The following ADAMTSL1 variants were observed in gnomAD, a reference collection of about 807,000 sequenced individuals.
ADAMTSL1 encodes ADAMTS-like protein 1.
ADAMTSL1 carries 126 observed loss-of-function variants against 201.8 expected under a neutral mutation model. That is an observed-to-expected ratio of 0.62 (90% CI 0.54 to 0.72). The LOEUF is 0.72. Ranked by LOEUF, ADAMTSL1 falls within the 30% of genes least tolerant of loss-of-function variation. ADAMTSL1 has a pLI of 0.00. For synonymous variants in ADAMTSL1, 1,121 were observed against 903.4 expected (o/e 1.24, Z -4.32); for missense variants, 2,679 against 2,277.8 (o/e 1.18, Z -3.59).
intron 4 of ADAMTSL1, among the ~76,000 whole-genome samples, chr9:18,614,515 A>C (rs1041206016): frequency 6.6e-6 from 1 of 152,182 alleles, no homozygotes; most frequent in East Asian, 1.9e-4. Context: ...GTGAGAAGCT[A>C]TGTATCTAAA....
intron 1 of ADAMTSL1, among the ~76,000 whole-genome samples, chr9:18,072,700 T>G (rs571832137): frequency 2.6e-5 from 4 of 152,314 alleles, no homozygotes; most frequent in Non-Finnish European, 4.4e-5. Context: ...CACTTGTATG[T>G]TTTTATCCAG....
chr9:18,091,952 C>G (rs1824040118), intron 1 of ADAMTSL1, among the ~76,000 whole-genome samples: 1 of 152,054 alleles, frequency 6.6e-6, no homozygotes, highest in Non-Finnish European at 1.5e-5. Flanking sequence ...TTTAGGAAAT[C>G]TCATGAACTT....
intron 4 of ADAMTSL1, among the ~76,000 whole-genome samples, chr9:18,574,682 T>A (rs141977618): frequency 6.6e-6 from 1 of 151,926 alleles, no homozygotes; most frequent in African/African-American, 2.4e-5. Flanking sequence ...AATTCTAAAA[T>A]CCCCAAGTAA....
At chr9:18,140,330 T>C (rs1203532742) in intron 1 of ADAMTSL1, among the ~76,000 whole-genome samples, 1 of 152,114 alleles carries the variant, frequency 6.6e-6, no homozygotes, top group African/African-American at 2.4e-5. Context: ...ACTCAGCATG[T>C]AGTCATACTC....
At chr9:18,789,791 AG>A in intron 19 of ADAMTSL1, among the ~76,000 whole-genome samples, 1 of 152,286 alleles carries the variant, frequency 6.6e-6, no homozygotes, top group Middle Eastern at 3.4e-3. Context: ...GCTAATGACA[AG>A]GAGAGTCAAA....
intron 4 of ADAMTSL1, among the ~76,000 whole-genome samples, chr9:18,615,393 T>C (rs1825635707): frequency 6.6e-6 from 1 of 152,218 alleles, no homozygotes; most frequent in South Asian, 2.1e-4. Context: ...TATATGTGCT[T>C]CTGAGGCACA....
At chr9:18,107,469 A>G (rs778715295) in intron 1 of ADAMTSL1, among the ~76,000 whole-genome samples, 5 of 152,182 alleles carry the variant, frequency 3.3e-5, no homozygotes, top group Admixed American at 6.6e-5. Flanking sequence ...ATTAAATGAG[A>G]GAAGTATTTT....
rs573040298 is a variant in ADAMTSL1, at chr9:18,710,235, T to C, written c.1876+3187T>C. On this transcript the variant is annotated intron_variant, in intron 14 of 28. Coordinates refer to ENST00000380548, the MANE Select transcript of ADAMTSL1 (RefSeq NM_001040272.6). ...CCTCAATTGCATGCTGTGCTTAGAA[T>C]GCCCTGCCCTTTAGCCATTGCATTT... is the stretch of plus-strand genomic sequence containing the variant. 7.9e-5 allele frequency among the ~76,000 whole-genome samples: 12 copies of C among 152,356 alleles called. No homozygotes were observed. The East Asian group carries it at 2.3e-3, about 29-fold the overall frequency.
chr9:18,164,171 G>A (rs1329571719), intron 2 of ADAMTSL1, among the ~76,000 whole-genome samples: 2 of 151,798 alleles, frequency 1.3e-5, no homozygotes, highest in Non-Finnish European at 2.9e-5. Context: ...ACTTTTCCTG[G>A]GTCTGGCAAG....
chr9:18,590,973 C>A (rs1823874283), intron 4 of ADAMTSL1, among the ~76,000 whole-genome samples: 1 of 151,896 alleles, frequency 6.6e-6, no homozygotes, highest in African/African-American at 2.4e-5. Context: ...GAAAATGTTC[C>A]ATGTGTTGAT....
At chr9:18,397,177 C>G (rs757805985) in intron 2 of ADAMTSL1, among the ~76,000 whole-genome samples, 7 of 151,950 alleles carry the variant, frequency 4.6e-5, no homozygotes, top group Non-Finnish European at 8.8e-5. Flanking sequence ...TACCCTTATC[C>G]ACAGGTGGTA....
At chr9:18,576,247 C>T (rs1233486629) in intron 4 of ADAMTSL1, among the ~76,000 whole-genome samples, 7 of 151,970 alleles carry the variant, frequency 4.6e-5, no homozygotes, top group Admixed American at 6.6e-5. Context: ...GTAGTAAAGG[C>T]GATGGAAAAA....
At chr9:18,414,520 G>C (rs78389472) in intron 2 of ADAMTSL1, among the ~76,000 whole-genome samples, 1 of 152,160 alleles carries the variant, frequency 6.6e-6, no homozygotes, top group Non-Finnish European at 1.5e-5. Context: ...TGAAACAATG[G>C]TTTTTAAGAA....
chr9:18,112,879 A>T (rs1308255578), intron 1 of ADAMTSL1, among the ~76,000 whole-genome samples: 3 of 152,184 alleles, frequency 2.0e-5, no homozygotes, highest in African/African-American at 7.2e-5. Flanking sequence ...ATTAGTAGTC[A>T]TCTTTGTCAG....
chr9:18,633,885 C>T (rs1352835881), intron 5 of ADAMTSL1, among the ~76,000 whole-genome samples: 1 of 151,442 alleles, frequency 6.6e-6, no homozygotes. Flanking sequence ...TGCTAGGGGC[C>T]TTGGAGAGTT....
chr9:18,415,236 C>T (rs1210618754), intron 2 of ADAMTSL1, among the ~76,000 whole-genome samples: 1 of 152,130 alleles, frequency 6.6e-6, no homozygotes, highest in African/African-American at 2.4e-5. Flanking sequence ...AAAATCAACC[C>T]ATCACAACCA....
At chr9:18,688,240 C>T (rs1412800656) in intron 13 of ADAMTSL1, among the ~76,000 whole-genome samples, 1 of 151,778 alleles carries the variant, frequency 6.6e-6, no homozygotes, top group East Asian at 1.9e-4. Flanking sequence ...TCTCATGCCT[C>T]AGCCTCCCGC....
At chr9:18,392,863 T>G (rs1838108710) in intron 2 of ADAMTSL1, among the ~76,000 whole-genome samples, 1 of 152,198 alleles carries the variant, frequency 6.6e-6, no homozygotes, top group South Asian at 2.1e-4. Flanking sequence ...CTCCCTCACT[T>G]TTGTGGTAGA....
intron 1 of ADAMTSL1, among the ~76,000 whole-genome samples, chr9:17,939,880 G>A (rs186185170): frequency 6.6e-6 from 1 of 152,236 alleles, no homozygotes; most frequent in Non-Finnish European, 1.5e-5. Flanking sequence ...CATGAAGGGG[G>A]GAGCAAAAGA....
Sources: gnomAD v4.1 joint callset for allele counts (sites outside exome capture counted in the v4.1 genomes callset) on GRCh38, gnomAD v4.1.1 for gene constraint, MANE v1.5 for transcripts, NCBI Gene and HGNC (gene_info 2026-07-23, HGNC 2026-07-21) for gene names.